The following FSTL4 variants were observed in gnomAD, a reference collection of about 807,000 sequenced individuals.
The protein encoded by FSTL4 is follistatin-related protein 4.
A neutral mutation model predicts 78.2 loss-of-function variants in FSTL4; 28 were observed. That is an observed-to-expected ratio of 0.36 (90% confidence interval 0.27 to 0.49). The LOEUF is 0.49. Ranked by LOEUF, FSTL4 falls within the 20% of genes least tolerant of loss-of-function variation. The probability of loss-of-function intolerance (pLI) is 0.98; values close to 1 mark genes in which losing one functional copy is unlikely to be tolerated. For missense variants in FSTL4, 922 were observed against 1,084.9 expected (o/e 0.85, Z 2.11); for synonymous variants, 422 against 440.5 (o/e 0.96, Z 0.53).
chr5:133,428,679 C>T (rs1431829548), intron 3 of FSTL4, among the ~76,000 whole-genome samples: 1 of 152,210 alleles, frequency 6.6e-6, no homozygotes, highest in East Asian at 1.9e-4. Flanking sequence ...ATAGGGGCTC[C>T]TGTCCTCACT....
chr5:133,571,944 G>C (rs1198674875), intron 2 of FSTL4, among the ~76,000 whole-genome samples: 2 of 152,132 alleles, frequency 1.3e-5, no homozygotes, highest in East Asian at 1.9e-4. Flanking sequence ...TAAATTTTCA[G>C]AGTGAAAATT....
intron 3 of FSTL4, among the ~76,000 whole-genome samples, chr5:133,512,288 T>A (rs1389119716): frequency 1.3e-5 from 2 of 151,880 alleles, no homozygotes; most frequent in East Asian, 3.9e-4. Flanking sequence ...TCGATACTGA[T>A]CATACAAATC....
the FSTL4 span, among the ~76,000 whole-genome samples, chr5:133,737,372 G>T: frequency 6.6e-6 from 1 of 151,774 alleles, no homozygotes; most frequent in Non-Finnish European, 1.5e-5. Flanking sequence ...GTCTTTCTGT[G>T]CCTGGCTTAT....
chr5:133,615,923 GA>G (rs1166277294), upstream of FSTL4, among the ~76,000 whole-genome samples: 1 of 152,126 alleles, frequency 6.6e-6, no homozygotes, highest in Non-Finnish European at 1.5e-5. Flanking sequence ...GATGGAAAGG[GA>G]ATTGTGAATG....
chr5:133,240,666 AGCGCATGACTCATCTCTTC>A (rs566057117), intron 7 of FSTL4, among the ~76,000 whole-genome samples: 41 of 152,208 alleles, frequency 2.7e-4, no homozygotes, highest in East Asian at 1.5e-3. Context: ...CTTATCTCTT[AGCGCATGACTCATCTCTTC>A]GCGCATGACT....
the FSTL4 span, among the ~76,000 whole-genome samples, chr5:133,697,731 G>A: frequency 3.9e-5 from 6 of 152,202 alleles, no homozygotes; most frequent in African/African-American, 7.2e-5. Context: ...GTGAGGGCCC[G>A]TTGCCATGGC....
intron 2 of FSTL4, among the ~76,000 whole-genome samples, chr5:133,578,009 T>A (rs1404677994): frequency 6.6e-6 from 1 of 152,152 alleles, no homozygotes; most frequent in Admixed American, 6.5e-5. Context: ...TATCTTACAA[T>A]AAATGACAAT....
chr5:133,202,082 G>C (rs1561615047), intron 14 of FSTL4, 40 bp from the exon 15 acceptor site: 20 of 1,378,952 alleles, frequency 1.5e-5, no homozygotes, highest in Non-Finnish European at 2.0e-5. Context: ...GGCCCATGCA[G>C]GTGGGGGCTG....
intron 6 of FSTL4, among the ~76,000 whole-genome samples, chr5:133,268,650 T>A (rs1323557543): frequency 6.6e-6 from 1 of 152,142 alleles, no homozygotes; most frequent in African/African-American, 2.4e-5. Flanking sequence ...AGTGAGCTGT[T>A]TCATTTTTTT....
At chr5:133,576,793 C>T (rs994780214) in intron 2 of FSTL4, among the ~76,000 whole-genome samples, 11 of 152,206 alleles carry the variant, frequency 7.2e-5, no homozygotes, top group Non-Finnish European at 1.6e-4. Flanking sequence ...GGATTCATCG[C>T]TACTGAAATT....
upstream of FSTL4, among the ~76,000 whole-genome samples, chr5:133,612,792 T>C (rs1205921634): frequency 1.3e-5 from 2 of 152,194 alleles, no homozygotes; most frequent in East Asian, 3.9e-4. The surrounding 1 kb of genome is among the most constrained non-coding windows in gnomAD (Gnocchi z 6.2). Context: ...TGACAGCCCC[T>C]CTTCACCTCT....
intron 4 of FSTL4, among the ~76,000 whole-genome samples, chr5:133,395,595 A>C (rs764625710): frequency 1.3e-5 from 2 of 152,192 alleles, no homozygotes; most frequent in Admixed American, 6.5e-5. Context: ...CCTGCTTGGC[A>C]CACAAGGCCT....
intron 3 of FSTL4, among the ~76,000 whole-genome samples, chr5:133,481,751 G>T (rs1198064733): frequency 6.6e-6 from 1 of 152,182 alleles, no homozygotes; most frequent in Non-Finnish European, 1.5e-5. Context: ...CTTACAGTCT[G>T]ATGAAGAAGC....
intron 3 of FSTL4, among the ~76,000 whole-genome samples, chr5:133,566,548 A>T (rs2112943362): frequency 6.6e-6 from 1 of 152,316 alleles, no homozygotes; most frequent in South Asian, 2.1e-4. Context: ...TACAAAAGGC[A>T]TCCCTTATTA....
the FSTL4 span, among the ~76,000 whole-genome samples, chr5:133,824,231 T>A: frequency 0.016 from 2,388 of 152,346 alleles, 68 homozygotes; most frequent in African/African-American, 0.054. Context: ...CAGATGCCAA[T>A]CATAAATAGT....
chr5:133,268,476 T>C (rs1374701606), intron 6 of FSTL4, among the ~76,000 whole-genome samples: 1 of 152,126 alleles, frequency 6.6e-6, no homozygotes, highest in African/African-American at 2.4e-5. Context: ...ACATTTGAGT[T>C]CCTGGGTGAC....
At position 133,197,440 on chromosome 5, in the gene FSTL4, G is replaced by C. The variant is rs1051646790; in HGVS notation, c.*1655C>G. ...TACCTGTCTAGGCGCACCCCTAGGA[G>C]TTACAGGGGACAGGCGTTTGGTGGA... On this transcript the variant is annotated 3_prime_UTR_variant, in exon 16 of 16. Transcript: ENST00000265342. The C allele has an allele frequency of 6.6e-6, 1 of 152,420 alleles. No homozygotes were observed. Among genetic ancestry groups the C allele is most frequent in the East Asian group, 1.9e-4 (1 of 5,184 alleles). The allele number at this position is 152,420 out of a possible 1,614,324, so 9.4% of individuals were successfully genotyped here. A position where few individuals can be genotyped will look rare whatever the true frequency, so the allele number is the denominator to read the frequency against.
chr5:133,741,016 G>A, the FSTL4 span, among the ~76,000 whole-genome samples: 1 of 151,986 alleles, frequency 6.6e-6, no homozygotes, highest in African/African-American at 2.4e-5. Context: ...TGGGCAGGTG[G>A]GTATATTGCA....
chr5:133,225,675 T>C lies in FSTL4; in HGVS notation c.1160A>G (p.Lys387Arg), dbSNP rs373225964. Residue 387 changes from lysine (K) to arginine (R), a missense_variant, in exon 9 of 16, where the codon AAA becomes AGA. Coordinates refer to ENST00000265342, the MANE Select transcript of FSTL4 (RefSeq NM_015082.2). The surrounding 1 kb of genome is among the most constrained non-coding windows in gnomAD (Gnocchi z 4.6). Reference protein sequence around the residue: ...NGVDVSTQMSKQLSLLANGSE... With the variant: ...NGVDVSTQMSRQLSLLANGSE... ...GTTCTTACCTAAAAGGGAGAGCTGT[T>C]TGGACATCTGAGTTGAGACATCCAC... 6.9e-6 allele frequency: 11 copies of C among 1,602,302 alleles called. No individual in the cohort carries two copies. Among genetic ancestry groups the C allele is most frequent in the African/African-American group, 1.3e-5 (1 of 74,492 alleles).
Sources: gnomAD v4.1 joint callset for allele counts (sites outside exome capture counted in the v4.1 genomes callset) on GRCh38, gnomAD v4.1.1 for gene constraint, Gnocchi (gnomAD v3.1) non-coding constraint, MANE v1.5 for transcripts, NCBI Gene and HGNC (gene_info 2026-07-23, HGNC 2026-07-21) for gene names.